Variants in SLC4A4 observed in about 807,000 individuals in gnomAD.
SLC4A4 encodes solute carrier family 4 member 4.
A neutral mutation model predicts 111.5 loss-of-function variants in SLC4A4; 27 were observed. The ratio of observed to expected loss-of-function variants is 0.24; its 90% CI spans 0.18 to 0.33. The LOEUF (loss-of-function observed/expected upper bound fraction) is 0.33, where lower values mean the gene tolerates loss of function less well. Ranked by LOEUF, SLC4A4 falls within the 10% of genes least tolerant of loss-of-function variation. SLC4A4 has a pLI of 1.00. For missense variants in SLC4A4, 909 were observed against 1,315.5 expected (o/e 0.69, Z 4.78); for synonymous variants, 443 against 463.4 (o/e 0.96, Z 0.57).
intron 6 of SLC4A4, among the ~76,000 whole-genome samples, chr4:71,362,736 G>A: frequency 6.7e-6 from 1 of 148,614 alleles, no homozygotes; most frequent in Non-Finnish European, 1.5e-5. Flanking sequence ...ATGGGTGTCA[G>A]GGGGGGTCCT....
chr4:71,380,869 A>G (rs1718071141), intron 6 of SLC4A4, among the ~76,000 whole-genome samples: 1 of 152,156 alleles, frequency 6.6e-6, no homozygotes, highest in African/African-American at 2.4e-5. Flanking sequence ...TTGTCTGCTC[A>G]TAAGAAGTGT....
intron 1 of SLC4A4, among the ~76,000 whole-genome samples, chr4:71,193,243 T>C (rs1745821751): frequency 6.6e-6 from 1 of 152,152 alleles, no homozygotes; most frequent in Admixed American, 6.5e-5. Context: ...CACTGCAAGC[T>C]CCGCCTCCCA....
Position 71,428,016 on chromosome 4 carries a change from A to G in SLC4A4, c.808-12600A>G, listed in dbSNP as rs548347439. ...GTCTTCATGACACTTTAATTTTCCC[A>G]TTAGAAAGAAAGTCCCCTTGAATTT... On this transcript the variant is annotated intron_variant, in intron 7 of 25. Coordinates refer to ENST00000264485, the MANE Select transcript of SLC4A4 (RefSeq NM_001098484.3). Among the ~76,000 whole-genome samples the G allele has an allele frequency of 5.3e-5, 8 of 152,264 alleles. No individual in the cohort carries two copies. In the South Asian group the frequency reaches 1.7e-3, roughly 32 times the overall value.
At chr4:71,529,229 C>A (rs1267073228) in intron 16 of SLC4A4, among the ~76,000 whole-genome samples, 1 of 152,004 alleles carries the variant, frequency 6.6e-6, no homozygotes, top group Non-Finnish European at 1.5e-5. Flanking sequence ...TGTTGGGGTA[C>A]ATTTTAAATT....
At chr4:71,395,215 GCTTC>G (rs1173233722) in intron 6 of SLC4A4, among the ~76,000 whole-genome samples, 1 of 152,132 alleles carries the variant, frequency 6.6e-6, no homozygotes, top group Non-Finnish European at 1.5e-5. Context: ...ATTTGTCTCT[GCTTC>G]AAGGTCTTGG....
chr4:71,409,049 T>C (rs977821386), intron 7 of SLC4A4, among the ~76,000 whole-genome samples: 21 of 152,318 alleles, frequency 1.4e-4, no homozygotes, highest in African/African-American at 4.6e-4. Context: ...AGAAGTGCCT[T>C]TCACCTCCCT....
At chr4:71,454,910 C>T (rs190980866) in intron 12 of SLC4A4, among the ~76,000 whole-genome samples, 34 of 152,152 alleles carry the variant, frequency 2.2e-4, no homozygotes, top group Non-Finnish European at 8.8e-5. Context: ...GTTGAGGTCA[C>T]GCAGCAGCTT....
intron 2 of SLC4A4, among the ~76,000 whole-genome samples, chr4:71,129,225 G>A (rs1462327050): frequency 6.6e-6 from 1 of 152,060 alleles, no homozygotes; most frequent in Non-Finnish European, 1.5e-5. Context: ...TCCTACAAAG[G>A]TCTAACATCC....
intron 14 of SLC4A4, among the ~76,000 whole-genome samples, chr4:71,478,193 G>C (rs1728540668): frequency 6.6e-6 from 1 of 151,944 alleles, no homozygotes. Flanking sequence ...CATTGTGGAA[G>C]ACAGTGTGGT....
chr4:71,402,629 C>T (rs1161988165), intron 7 of SLC4A4, among the ~76,000 whole-genome samples: 1 of 152,208 alleles, frequency 6.6e-6, no homozygotes, highest in African/African-American at 2.4e-5. Flanking sequence ...GATGGAATCA[C>T]ATCTGTGAAA....
At chr4:71,444,474 T>C (rs550991902) in intron 8 of SLC4A4, among the ~76,000 whole-genome samples, 344 of 152,306 alleles carry the variant, frequency 2.3e-3, no homozygotes, top group Non-Finnish European at 4.1e-3. Context: ...GCTTTTTTTT[T>C]CCAAGCTGTC....
At chr4:71,139,248 C>T (rs1743937331) in intron 2 of SLC4A4, among the ~76,000 whole-genome samples, 1 of 150,746 alleles carries the variant, frequency 6.6e-6, no homozygotes, top group South Asian at 2.1e-4. Context: ...CTCACTCCCA[C>T]TTAGCAACCA....
At chr4:71,132,323 A>G (rs918240946) in intron 2 of SLC4A4, among the ~76,000 whole-genome samples, 4 of 152,152 alleles carry the variant, frequency 2.6e-5, no homozygotes, top group South Asian at 4.1e-4. Context: ...TCTAAAATGT[A>G]TATCAGCTAA....
chr4:71,382,667 A>G (rs1405968065), intron 6 of SLC4A4, among the ~76,000 whole-genome samples: 1 of 152,174 alleles, frequency 6.6e-6, no homozygotes, highest in African/African-American at 2.4e-5. Flanking sequence ...GAGACTGGCT[A>G]TGTATAATGT....
At chr4:71,535,727 C>T (rs983780524) in intron 18 of SLC4A4, among the ~76,000 whole-genome samples, 34 of 151,938 alleles carry the variant, frequency 2.2e-4, no homozygotes, top group African/African-American at 7.5e-4. Context: ...ATATAACTGT[C>T]CTGGAGGTCG....
At chr4:71,338,848 A>G (rs367546333) in intron 3 of SLC4A4, among the ~76,000 whole-genome samples, 51 of 126,654 alleles carry the variant, frequency 4.0e-4, no homozygotes, top group African/African-American at 1.3e-3. Context: ...TCCTTCATCA[A>G]CTTTGCAGTT....
chr4:71,200,594 A>G (rs773362573), intron 1 of SLC4A4, among the ~76,000 whole-genome samples: 16 of 152,196 alleles, frequency 1.1e-4, no homozygotes, highest in Non-Finnish European at 2.1e-4. Context: ...CATAAAGGAT[A>G]AGCAAAAGGA....
intron 2 of SLC4A4, among the ~76,000 whole-genome samples, chr4:71,131,125 A>G (rs1743688836): frequency 2.6e-5 from 4 of 152,222 alleles, no homozygotes; most frequent in Admixed American, 2.6e-4. Flanking sequence ...TCATGAGATC[A>G]TGTTCACTAA....
chr4:71,308,243 G>A (rs1725846895), intron 3 of SLC4A4, among the ~76,000 whole-genome samples: 2 of 152,110 alleles, frequency 1.3e-5, no homozygotes, highest in African/African-American at 2.4e-5. Context: ...ACAGTGCCTA[G>A]TAGGGGCTCA....
Sources: allele counts gnomAD v4.1 joint callset (sites outside exome capture counted in the v4.1 genomes callset), GRCh38; gene constraint gnomAD v4.1.1; transcripts MANE v1.5; gene names NCBI Gene and HGNC (gene_info 2026-07-23, HGNC 2026-07-21).